HPCAL1: variants seen among roughly 807,000 people sequenced by gnomAD.
HPCAL1 encodes hippocalcin-like protein 1.
Under a neutral mutation model 17.1 loss-of-function variants are expected in HPCAL1, and 8 were observed. That is an observed-to-expected ratio of 0.47 (90% CI 0.27 to 0.84). The LOEUF (loss-of-function observed/expected upper bound fraction) is 0.84, where lower values mean the gene tolerates loss of function less well. Ranked by LOEUF, HPCAL1 falls within the 40% of genes least tolerant of loss-of-function variation. The pLI, the probability that HPCAL1 is intolerant of heterozygous loss-of-function variation, is 0.13. For missense variants in HPCAL1, 165 were observed against 271.1 expected (o/e 0.61, Z 2.75); for synonymous variants, 112 against 111.4 (o/e 1.01, Z -0.03).
chr2:10,352,531 G>A (rs1310467511), intron 1 of HPCAL1, among the ~76,000 whole-genome samples: 1 of 152,240 alleles, frequency 6.6e-6, no homozygotes, highest in East Asian at 1.9e-4. Flanking sequence ...TCCAGCAGCT[G>A]TGCCATCAGC....
At chr2:10,408,112 T>C (rs10192312) in intron 2 of HPCAL1, among the ~76,000 whole-genome samples, 9,913 of 152,256 alleles carry the variant, frequency 0.065, 574 homozygotes, top group African/African-American at 0.15. Context: ...CAGTAGCAGC[T>C]TCTGCAAGAG....
chr2:10,377,050 G>A lies in HPCAL1; in HGVS notation c.-110-19785G>A, dbSNP rs115541046. 0.01 allele frequency among the ~76,000 whole-genome samples: 1,568 copies of A among 152,014 alleles called. 34 individuals carry two copies. The highest frequency in any genetic ancestry group is 0.036 in the African/African-American group (1,470 of 41,386). On this transcript the variant is annotated intron_variant, in intron 1 of 4. Transcript: ENST00000307845. The surrounding 1 kb of genome is among the most constrained non-coding windows in gnomAD (Gnocchi z 5.9). Reference sequence around the variant, plus strand: ...TATGTAATACAATACATACTGTATTGTATTAATCAGATATGTTGTCCTGTG... The same window carrying A: ...TATGTAATACAATACATACTGTATTATATTAATCAGATATGTTGTCCTGTG...
intron 1 of HPCAL1, among the ~76,000 whole-genome samples, chr2:10,389,646 T>C (rs1463702343): frequency 6.6e-6 from 1 of 152,230 alleles, no homozygotes; most frequent in Admixed American, 6.5e-5. Flanking sequence ...GAAGACACAG[T>C]ATTAAGTAAG....
chr2:10,391,128 C>T (rs1048966492), intron 1 of HPCAL1, among the ~76,000 whole-genome samples: 23 of 152,338 alleles, frequency 1.5e-4, no homozygotes, highest in Middle Eastern at 3.4e-3. Context: ...GGTGGGCACT[C>T]GGCCTAGGTT....
At chr2:10,393,525 C>T (rs1367687825) in intron 1 of HPCAL1, among the ~76,000 whole-genome samples, 1 of 152,268 alleles carries the variant, frequency 6.6e-6, no homozygotes, top group African/African-American at 2.4e-5. Context: ...AGCACTTCCT[C>T]TCCACCCTCC....
In HPCAL1 at chr2:10,359,185, G is replaced by T. The variant is rs112518425; in HGVS notation, c.-110-37650G>T. Among the ~76,000 whole-genome samples, 4,089 of 152,240 alleles carry T rather than the reference G, an allele frequency of 0.027. 149 individuals carry two copies. Among genetic ancestry groups the T allele is most frequent in the African/African-American group, 0.078 (3,246 of 41,526 alleles). ...GAACCTTTCCCGTTTCACAGCCACA[G>T]TTTCCTGCTGTTTTCTGAAATTCCT... On this transcript the variant is annotated intron_variant, in intron 1 of 4. Coordinates refer to ENST00000307845, the MANE Select transcript of HPCAL1 (RefSeq NM_002149.4). This position sits in a 1 kb window ranked among gnomAD's most constrained non-coding sequence, Gnocchi z 4.1.
At position 10,427,071 on chromosome 2, in the gene HPCAL1, G is replaced by C. The variant is rs928033391; in HGVS notation, c.*250G>C. ...GGATGTGGTGACATGCAGGGTTCAA[G>C]TGTTCTTGGTTCCAGGCACCTCCCG... On this transcript the variant is annotated 3_prime_UTR_variant, in exon 5 of 5. Transcript: ENST00000307845. 2.0e-6 allele frequency: 1 copy of C among 509,532 alleles called. No individual in the cohort carries two copies. 31.6% of individuals were successfully genotyped at this position (509,532 alleles called of 1,614,324 possible). A position where few individuals can be genotyped will look rare whatever the true frequency, so the allele number is the denominator to read the frequency against.
At chr2:10,341,757 C>G (rs1220890194) in intron 1 of HPCAL1, among the ~76,000 whole-genome samples, 1 of 152,114 alleles carries the variant, frequency 6.6e-6, no homozygotes, top group African/African-American at 2.4e-5. Context: ...CAACGCTTCC[C>G]AAGAGATGTG....
rs1662366174 is a variant in HPCAL1 at position 10,303,034 on chromosome 2, C to G, written c.-254C>G. On this transcript the variant is annotated 5_prime_UTR_variant, in exon 1 of 5. Transcript: ENST00000307845. ...GAGCGCAGGGCCGGCGCAGCAGCTG[C>G]GGGCGCACGGAGGCCCGCGCTGCTA... 6.6e-6 allele frequency: 1 copy of G among 151,752 alleles called. No individual in the cohort carries two copies. Among genetic ancestry groups the G allele is most frequent in the South Asian group, 2.1e-4 (1 of 4,818 alleles). 9.4% of individuals were successfully genotyped at this position (151,752 alleles called of 1,614,324 possible).
intron 2 of HPCAL1, among the ~76,000 whole-genome samples, chr2:10,412,580 AG>A (rs1398033017): frequency 1.3e-5 from 2 of 152,226 alleles, no homozygotes; most frequent in Admixed American, 1.3e-4. Flanking sequence ...GCCAGAGTGT[AG>A]TCACATGGTA....
intron 2 of HPCAL1, among the ~76,000 whole-genome samples, chr2:10,401,012 G>C (rs1669572990): frequency 6.6e-6 from 1 of 152,232 alleles, no homozygotes. Flanking sequence ...CATCTGGTTG[G>C]GAGATGCCAG....
At chr2:10,376,043 T>C (rs1667535179) in intron 1 of HPCAL1, among the ~76,000 whole-genome samples, 1 of 152,170 alleles carries the variant, frequency 6.6e-6, no homozygotes, top group African/African-American at 2.4e-5. Context: ...AGTGAGCAAT[T>C]TGGTCGATTA....
intron 1 of HPCAL1, among the ~76,000 whole-genome samples, chr2:10,327,232 TG>T (rs988372627): frequency 2.0e-5 from 3 of 152,210 alleles, no homozygotes; most frequent in African/African-American, 7.2e-5. Flanking sequence ...TTGCCTTGTT[TG>T]CATTGCTCCA....
At position 10,343,964 on chromosome 2, in the gene HPCAL1, G is replaced by A. The variant is rs1558472859; in HGVS notation, c.-111+40787G>A. 1.3e-5 allele frequency among the ~76,000 whole-genome samples: 2 copies of A among 152,190 alleles called. No individual in the cohort carries two copies. The highest frequency in any genetic ancestry group is 2.4e-5 in the African/African-American group (1 of 41,450). On this transcript the variant is annotated intron_variant, in intron 1 of 4. Transcript: ENST00000307845. This position sits in a 1 kb window ranked among gnomAD's most constrained non-coding sequence, Gnocchi z 4.8. ...CTGCACCTCTTGGGATATAGAGAACGCTGGCTTCAGACCCGGCAGGAGTAC... is the reference window on the plus strand; with the variant it reads ...CTGCACCTCTTGGGATATAGAGAACACTGGCTTCAGACCCGGCAGGAGTAC...
At chr2:10,400,734 C>G (rs979830576) in intron 2 of HPCAL1, among the ~76,000 whole-genome samples, 1 of 152,040 alleles carries the variant, frequency 6.6e-6, no homozygotes, top group African/African-American at 2.4e-5. Context: ...TGTGGGCAGA[C>G]ACGTGCCTGC....
chr2:10,341,634 C>T (rs1173383510), intron 1 of HPCAL1, among the ~76,000 whole-genome samples: 2 of 152,074 alleles, frequency 1.3e-5, no homozygotes, highest in Non-Finnish European at 2.9e-5. Context: ...GAAACCTAAA[C>T]ACGAGCCGTG....
At chr2:10,425,686 T>G (rs977317738) in intron 4 of HPCAL1, 1 of 152,266 alleles carries the variant, frequency 6.6e-6, no homozygotes, top group Non-Finnish European at 1.5e-5. Context: ...CGAGAGCCCC[T>G]CCTGCATGCC....
At chr2:10,383,810 G>C (rs999312087) in intron 1 of HPCAL1, among the ~76,000 whole-genome samples, 5 of 152,122 alleles carry the variant, frequency 3.3e-5, no homozygotes, top group East Asian at 3.9e-4. Flanking sequence ...GTGCGGGGAA[G>C]GGGGGGCTGT....
rs1188042156 is a variant in HPCAL1, at chr2:10,330,008, C to T, written c.-111+26831C>T. ...TTAGTCGGGCCACACGGAAGGAGTT[C>T]CTGGTCTCGTGACACCTGCACAAAT... On this transcript the variant is annotated intron_variant, in intron 1 of 4. Coordinates refer to ENST00000307845, the MANE Select transcript of HPCAL1 (RefSeq NM_002149.4). This position sits in a 1 kb window ranked among gnomAD's most constrained non-coding sequence, Gnocchi z 4.2. Among the ~76,000 whole-genome samples the T allele has an allele frequency of 6.6e-6, 1 of 152,180 alleles. No individual in the cohort carries two copies. The highest frequency in any genetic ancestry group is 1.5e-5 in the Non-Finnish European group (1 of 68,040).
Sources: gnomAD v4.1 joint callset for allele counts (sites outside exome capture counted in the v4.1 genomes callset) on GRCh38, gnomAD v4.1.1 for gene constraint, Gnocchi (gnomAD v3.1) non-coding constraint, MANE v1.5 for transcripts, NCBI Gene and HGNC (gene_info 2026-07-23, HGNC 2026-07-21) for gene names.